Variants in NPAS3 observed in about 807,000 individuals in gnomAD.
NPAS3 encodes neuronal PAS domain-containing protein 3.
A neutral mutation model predicts 73.1 loss-of-function variants in NPAS3; 14 were observed. That is an observed-to-expected ratio of 0.19 (90% CI 0.13 to 0.30). NPAS3 has a LOEUF of 0.30. Among genes scored for constraint, NPAS3 ranks in the 10% least tolerant of loss-of-function variants. The pLI is 1.00. For synonymous variants in NPAS3, 620 were observed against 541.5 expected (o/e 1.14, Z -2.01); for missense variants, 1,096 against 1,250.0 (o/e 0.88, Z 1.86).
intron 7 of NPAS3, among the ~76,000 whole-genome samples, chr14:33,771,810 C>CAA (rs564918528): frequency 0.022 from 3,134 of 139,908 alleles, 118 homozygotes; most frequent in African/African-American, 0.078. Context: ...GACTCCATCT[C>CAA]AAAAAAAAAA....
At chr14:33,389,668 G>A (rs1233789808) in intron 4 of NPAS3, among the ~76,000 whole-genome samples, 1 of 151,814 alleles carries the variant, frequency 6.6e-6, no homozygotes, top group East Asian at 1.9e-4. Context: ...TGAAACAGAG[G>A]ATAAATTCAT....
intron 4 of NPAS3, among the ~76,000 whole-genome samples, chr14:33,414,098 A>G (rs138292510): frequency 1.5e-3 from 223 of 152,230 alleles, no homozygotes; most frequent in African/African-American, 5.2e-3. Flanking sequence ...GCATATTGCA[A>G]TATTTCCATG....
chr14:33,591,943 A>G (rs1327632457), intron 5 of NPAS3, among the ~76,000 whole-genome samples: 1 of 152,188 alleles, frequency 6.6e-6, no homozygotes, highest in East Asian at 1.9e-4. Context: ...TACTCCCCAG[A>G]CACCCTTACC....
exon 2 of NPAS3, chr14:33,055,920 T>C (rs1334698918): frequency 2.5e-6 from 2 of 810,264 alleles, no homozygotes; most frequent in Non-Finnish European, 4.3e-6. Flanking sequence ...CTGCCCAGCA[T>C]CCTCTGCCCA....
chr14:33,093,259 A>C (rs1190682775), intron 2 of NPAS3, among the ~76,000 whole-genome samples: 3 of 152,222 alleles, frequency 2.0e-5, no homozygotes, highest in African/African-American at 7.2e-5. Context: ...CAAAGAACTC[A>C]AACAAATTTA....
intron 4 of NPAS3, among the ~76,000 whole-genome samples, chr14:33,421,444 C>A (rs1212915990): frequency 1.3e-5 from 2 of 151,722 alleles, no homozygotes; most frequent in Non-Finnish European, 2.9e-5. Context: ...GGCAATTGTT[C>A]TGTATATCTG....
At chr14:33,155,017 A>T (rs1252247523) in intron 2 of NPAS3, among the ~76,000 whole-genome samples, 4 of 152,184 alleles carry the variant, frequency 2.6e-5, no homozygotes, top group Admixed American at 6.5e-5. Context: ...TATTATTATT[A>T]ATTTTTTTTC....
At chr14:33,294,507 C>A (rs1191344915) in intron 3 of NPAS3, among the ~76,000 whole-genome samples, 1 of 152,126 alleles carries the variant, frequency 6.6e-6, no homozygotes, top group Non-Finnish European at 1.5e-5. Context: ...AATTATACAG[C>A]TGTTAGTGTG....
intron 4 of NPAS3, among the ~76,000 whole-genome samples, chr14:33,441,167 T>G (rs2049229851): frequency 6.6e-6 from 1 of 152,256 alleles, no homozygotes; most frequent in Non-Finnish European, 1.5e-5. Context: ...TTCTGGATGT[T>G]TCACTTTTAA....
chr14:33,086,552 G>A (rs2042032121), intron 2 of NPAS3, among the ~76,000 whole-genome samples: 1 of 152,130 alleles, frequency 6.6e-6, no homozygotes. Context: ...GGACAGTAAT[G>A]TAAGACAAAT....
At chr14:33,085,736 G>A (rs1020485079) in intron 2 of NPAS3, among the ~76,000 whole-genome samples, 1 of 152,052 alleles carries the variant, frequency 6.6e-6, no homozygotes, top group Non-Finnish European at 1.5e-5. Flanking sequence ...TTTAAATATA[G>A]TAAGATACAA....
intron 4 of NPAS3, among the ~76,000 whole-genome samples, chr14:33,461,403 A>T (rs1369478024): frequency 6.6e-6 from 1 of 152,188 alleles, no homozygotes; most frequent in Non-Finnish European, 1.5e-5. Context: ...TGGTGTTTTT[A>T]AAAAATCTTT....
upstream of NPAS3, among the ~76,000 whole-genome samples, chr14:32,938,485 T>TAGACAGAGAGAGAGAGAG (rs1491191135): frequency 4.6e-4 from 10 of 21,774 alleles, no homozygotes; most frequent in South Asian, 1.3e-3. Context: ...GAGAGAGAAA[T>TAGACAGAGAGAGAGAGAG]TGAGAGAGAG....
intron 5 of NPAS3, among the ~76,000 whole-genome samples, chr14:33,583,930 T>A (rs747239910): frequency 3.3e-5 from 5 of 152,072 alleles, no homozygotes; most frequent in Non-Finnish European, 5.9e-5. Flanking sequence ...CAACATGGAG[T>A]CTGTAGATAG....
intron 5 of NPAS3, among the ~76,000 whole-genome samples, chr14:33,665,448 AAAAAC>A (rs529926261): frequency 2.0e-5 from 3 of 152,176 alleles, no homozygotes; most frequent in African/African-American, 4.8e-5. Context: ...GTGTGATTAA[AAAAAC>A]AAAACAAAAC....
chr14:32,992,388 G>T (rs1205254766), intron 1 of NPAS3, among the ~76,000 whole-genome samples: 2 of 152,176 alleles, frequency 1.3e-5, no homozygotes, highest in Admixed American at 6.5e-5. Context: ...AGTTATGGTA[G>T]AAATTTCATA....
At chr14:33,320,372 G>A (rs887625498) in intron 3 of NPAS3, among the ~76,000 whole-genome samples, 1 of 152,108 alleles carries the variant, frequency 6.6e-6, no homozygotes, top group African/African-American at 2.4e-5. Context: ...ATTCCAACAT[G>A]GCACATGTAT....
At chr14:33,379,969 T>C (rs1403741179) in intron 4 of NPAS3, among the ~76,000 whole-genome samples, 5 of 129,476 alleles carry the variant, frequency 3.9e-5, no homozygotes. Flanking sequence ...TCTTAAGTAG[T>C]TATCCCTCGT....
At chr14:33,627,615 T>G (rs989049643) in intron 5 of NPAS3, among the ~76,000 whole-genome samples, 3 of 152,216 alleles carry the variant, frequency 2.0e-5, no homozygotes, top group African/African-American at 7.2e-5. Flanking sequence ...CTCTCCATCC[T>G]GAAGGTTTTT....
Sources: allele counts gnomAD v4.1 joint callset (sites outside exome capture counted in the v4.1 genomes callset), GRCh38; gene constraint gnomAD v4.1.1; transcripts MANE v1.5; gene names NCBI Gene and HGNC (gene_info 2026-07-23, HGNC 2026-07-21).